MAP3K21: variants seen among roughly 807,000 people sequenced by gnomAD.
MAP3K21 encodes mitogen-activated protein kinase kinase kinase 21, also known as mitogen-activated protein kinase kinase kinase MLK4.
MAP3K21 carries 63 observed loss-of-function variants against 86.1 expected under a neutral mutation model. The observed-to-expected ratio is 0.73, with a 90% CI of 0.60 to 0.90. MAP3K21 has a LOEUF of 0.90. Ranked by LOEUF, MAP3K21 falls within the 40% of genes least tolerant of loss-of-function variation. MAP3K21 has a pLI of 0.00. For missense variants in MAP3K21, 1,220 were observed against 1,367.7 expected (o/e 0.89, Z 1.70); for synonymous variants, 558 against 564.8 (o/e 0.99, Z 0.17).
rs1220507634 is a variant in MAP3K21, at chr1:233,328,024, C to A, written c.-5C>A. On this transcript the variant is annotated 5_prime_UTR_variant, in exon 1 of 10. Coordinates refer to ENST00000366624, the MANE Select transcript of MAP3K21 (RefSeq NM_032435.3). This position sits in a 1 kb window ranked among gnomAD's most constrained non-coding sequence, Gnocchi z 8.7. Reference sequence around the variant, plus strand: ...CCGCTCCGCCTTCCCCGCGCAGCTGCCCCCATGGCTTTGCGGGGCGCCGCG... The same window carrying A: ...CCGCTCCGCCTTCCCCGCGCAGCTGACCCCATGGCTTTGCGGGGCGCCGCG... 1.6e-6 allele frequency: 2 copies of A among 1,276,788 alleles called. No homozygotes were observed. Among genetic ancestry groups the A allele is most frequent in the Non-Finnish European group, 2.0e-6 (2 of 1,014,020 alleles). The allele number at this position is 1,276,788 out of a possible 1,614,324, so 79.1% of individuals were successfully genotyped here.
chr1:233,359,520 G>T (rs1663427589), intron 4 of MAP3K21, among the ~76,000 whole-genome samples: 1 of 152,196 alleles, frequency 6.6e-6, no homozygotes, highest in Admixed American at 6.5e-5. Context: ...GGAGGCATCA[G>T]ACTTGGAATT....
At chr1:233,362,604 G>GCGTA (rs1280909129) in intron 5 of MAP3K21, among the ~76,000 whole-genome samples, 6 of 152,082 alleles carry the variant, frequency 3.9e-5, no homozygotes, top group Admixed American at 2.0e-4. Context: ...TTTTAGCTGA[G>GCGTA]CGTACTGAGC....
intron 8 of MAP3K21, among the ~76,000 whole-genome samples, chr1:233,376,751 T>G (rs1392780977): frequency 5.3e-5 from 8 of 152,218 alleles, no homozygotes; most frequent in Non-Finnish European, 7.3e-5. Context: ...TTGTAACTCT[T>G]CTTCCTTACC....
chr1:233,368,941 T>A (rs895257079), intron 5 of MAP3K21, among the ~76,000 whole-genome samples: 1 of 152,150 alleles, frequency 6.6e-6, no homozygotes, highest in Non-Finnish European at 1.5e-5. Context: ...GTTTTCTAAG[T>A]ACCTGTAATG....
chr1:233,329,474 C>T (rs567829801), intron 1 of MAP3K21, among the ~76,000 whole-genome samples: 135 of 152,164 alleles, frequency 8.9e-4, no homozygotes, highest in Non-Finnish European at 1.5e-3. Context: ...GCCAACATGG[C>T]GAAACCCTGT....
At position 233,379,633 on chromosome 1, in the gene MAP3K21, A is replaced by C; in HGVS notation, c.2627A>C (p.Asn876Thr). The C allele has an allele frequency of 6.2e-7, 1 of 1,614,114 alleles. No homozygotes were observed. Among genetic ancestry groups the C allele is most frequent in the Non-Finnish European group, 8.5e-7 (1 of 1,180,022 alleles). The change falls in exon 9 of 10, where the codon AAT becomes ACT. Residue 876 changes from asparagine (N) to threonine (T), a missense_variant. By Grantham distance (65) the Asn-to-Thr change is moderately conservative. Around this residue, in one of 5 missense-constraint regions of MAP3K21, gnomAD observed 632 missense variants for 691.3 expected, o/e 0.91. Coordinates refer to ENST00000366624, the MANE Select transcript of MAP3K21 (RefSeq NM_032435.3). ...TCCTTCCTACAGCAGACATGTGGGA[A>C]TGTACCTTACTGTGCTTCTTCAAAA... Reference protein sequence around the residue: ...PSSFLQQTCGNVPYCASSKHR... With the variant: ...PSSFLQQTCGTVPYCASSKHR...
rs201768172 is a variant in MAP3K21 at position 233,372,130 on chromosome 1, A to T, written c.1645A>T (p.Thr549Ser). Residue 549 changes from threonine to serine, a missense_variant, in exon 6 of 10, where the codon ACA becomes TCA. Physicochemically the swap from Thr to Ser is moderately conservative, Grantham distance 58 (BLOSUM62 1). Transcript: ENST00000366624. ...SSSSSPPSSPTMMPRLRAIQL... is the reference protein window; with the variant it reads ...SSSSSPPSSPSMMPRLRAIQL... The stretch of plus-strand genomic sequence containing the variant: ...CAGTTCCAGTCCCCCGAGCAGCCCC[A>T]CAATGATGCCCCGACTCCGAGCCAT... The T allele has an allele frequency of 2.5e-6, 4 of 1,614,164 alleles. No individual in the cohort carries two copies. The South Asian group carries it at 4.4e-5, about 18-fold the overall frequency.
intron 1 of MAP3K21, among the ~76,000 whole-genome samples, chr1:233,331,484 T>C (rs1662808356): frequency 6.6e-6 from 1 of 152,254 alleles, no homozygotes; most frequent in African/African-American, 2.4e-5. Context: ...TATGAAGCTA[T>C]GACTTCTTGT....
chr1:233,350,597 C>T (rs6662400), intron 2 of MAP3K21, among the ~76,000 whole-genome samples: 66,696 of 152,024 alleles, frequency 0.44, 15,032 homozygotes, highest in Admixed American at 0.55. Context: ...CTTCTCCTCC[C>T]TTCCTTCTAA....
intron 6 of MAP3K21, 133 bp downstream of exon 6, chr1:233,372,293 C>A: frequency 1.0e-6 from 1 of 1,004,740 alleles, no homozygotes; most frequent in Non-Finnish European, 1.4e-6. Flanking sequence ...GGTGCCACAA[C>A]TATTTGAGAA....
In MAP3K21 at chr1:233,328,907, C is replaced by T; in HGVS notation, c.805+74C>T. On this transcript the variant is annotated intron_variant, in intron 1 of 9. Coordinates refer to ENST00000366624, the MANE Select transcript of MAP3K21 (RefSeq NM_032435.3). This position sits in a 1 kb window ranked among gnomAD's most constrained non-coding sequence, Gnocchi z 8.7. ...CAGGCGGGCTCCACAGGACATAGTACCAGATGGAAAGAGGTGGGAGTCAGC... is the reference window on the plus strand; with the variant it reads ...CAGGCGGGCTCCACAGGACATAGTATCAGATGGAAAGAGGTGGGAGTCAGC... The T allele has an allele frequency of 7.9e-7, 1 of 1,272,482 alleles. No homozygotes were observed. The highest frequency in any genetic ancestry group is 1.0e-6 in the Non-Finnish European group (1 of 1,000,436). The allele number at this position is 1,272,482 out of a possible 1,614,324, so 78.8% of individuals were successfully genotyped here. A position where few individuals can be genotyped will look rare whatever the true frequency, so the allele number is the denominator to read the frequency against.
chr1:233,353,018 T>C (rs1663278787), intron 2 of MAP3K21, among the ~76,000 whole-genome samples: 1 of 152,206 alleles, frequency 6.6e-6, no homozygotes, highest in South Asian at 2.1e-4. Context: ...TGTAGTGAAA[T>C]TCGGCTCTTC....
intron 1 of MAP3K21, among the ~76,000 whole-genome samples, chr1:233,329,610 C>A (rs1662773886): frequency 6.6e-6 from 1 of 151,732 alleles, no homozygotes; most frequent in South Asian, 2.1e-4. Flanking sequence ...GCCAAGATCG[C>A]GCCACTGCAC....
chr1:233,355,769 A>C (rs1322609622), intron 4 of MAP3K21, among the ~76,000 whole-genome samples: 2 of 152,048 alleles, frequency 1.3e-5, no homozygotes, highest in Non-Finnish European at 2.9e-5. Flanking sequence ...TGTGTGACAA[A>C]GACCATCAGT....
intron 9 of MAP3K21, among the ~76,000 whole-genome samples, 196 bp from the exon 10 acceptor site, chr1:233,382,109 A>G (rs974555113): frequency 6.6e-6 from 1 of 152,250 alleles, no homozygotes; most frequent in African/African-American, 2.4e-5. Flanking sequence ...GCTAAGGCAG[A>G]GTTCCTTGGT....
chr1:233,352,149 A>G (rs1451684720), intron 2 of MAP3K21, among the ~76,000 whole-genome samples: 1 of 152,036 alleles, frequency 6.6e-6, no homozygotes, highest in Non-Finnish European at 1.5e-5. Context: ...ACCTTCCCCA[A>G]ATGCTAGAAT....
chr1:233,341,985 A>G (rs1663046306), intron 1 of MAP3K21, among the ~76,000 whole-genome samples: 1 of 152,190 alleles, frequency 6.6e-6, no homozygotes, highest in Non-Finnish European at 1.5e-5. Flanking sequence ...TGATGAAAAA[A>G]AAAAGCTAAT....
intron 2 of MAP3K21, among the ~76,000 whole-genome samples, chr1:233,351,287 A>G (rs1663248339): frequency 6.6e-6 from 1 of 152,234 alleles, no homozygotes; most frequent in Non-Finnish European, 1.5e-5. Context: ...TATAATTTAC[A>G]AGTAGTACAT....
chr1:233,355,189 G>A (rs1336278300), intron 4 of MAP3K21, among the ~76,000 whole-genome samples, 178 bp downstream of exon 4: 1 of 152,114 alleles, frequency 6.6e-6, no homozygotes, highest in African/African-American at 2.4e-5. Context: ...TACTCAATAT[G>A]TATAATTGGG....
Sources: gnomAD v4.1 joint callset for allele counts (sites outside exome capture counted in the v4.1 genomes callset) on GRCh38, gnomAD v4.1.1 for gene constraint, gnomAD v4.1.1 regional missense constraint, Gnocchi (gnomAD v3.1) non-coding constraint, MANE v1.5 for transcripts, NCBI Gene and HGNC (gene_info 2026-07-23, HGNC 2026-07-21) for gene names.